Variants in CDYL2 observed in about 807,000 individuals in gnomAD.
CDYL2 encodes the protein chromodomain Y-like protein 2.
A neutral mutation model predicts 49.4 loss-of-function variants in CDYL2; 23 were observed. That is an observed-to-expected ratio of 0.47 (90% CI 0.34 to 0.66). The LOEUF (loss-of-function observed/expected upper bound fraction) is 0.66, where lower values mean the gene tolerates loss of function less well. Ranked by LOEUF, CDYL2 falls within the 30% of genes least tolerant of loss-of-function variation. The probability of loss-of-function intolerance (pLI) is 0.01; values close to 1 mark genes in which losing one functional copy is unlikely to be tolerated. For missense variants in CDYL2, 678 were observed against 656.4 expected, an observed-to-expected ratio of 1.03 and a Z score of -0.36; for synonymous variants, 360 against 268.8, an observed-to-expected ratio of 1.34 and a Z score of -3.32.
chr16:80,726,042 G>C (rs774391011), intron 1 of CDYL2, among the ~76,000 whole-genome samples: 1 of 152,166 alleles, frequency 6.6e-6, no homozygotes, highest in Non-Finnish European at 1.5e-5. Flanking sequence ...GTCACAAAAA[G>C]ACAGTGACAT....
rs151046757 is a variant in CDYL2, at chr16:80,739,356, T to G, written c.25-54227A>C. ...GGTGATTACTGCACATCAATGTAAATGTACTTAATACCTCGGAAATGCACA... is the reference window on the plus strand; with the variant it reads ...GGTGATTACTGCACATCAATGTAAAGGTACTTAATACCTCGGAAATGCACA... On this transcript the variant is annotated intron_variant, in intron 1 of 6. Coordinates refer to ENST00000570137, the MANE Select transcript of CDYL2 (RefSeq NM_152342.4). Among the ~76,000 whole-genome samples, 1,089 of 152,306 alleles carry G rather than the reference T, an allele frequency of 7.2e-3. 14 individuals carry two copies. Among genetic ancestry groups the G allele is most frequent in the South Asian group, 0.037 (177 of 4,822 alleles).
intron 2 of CDYL2, among the ~76,000 whole-genome samples, chr16:80,676,254 C>A (rs1018938765): frequency 6.6e-6 from 1 of 152,212 alleles, no homozygotes; most frequent in African/African-American, 2.4e-5. Flanking sequence ...GATTAAAAAA[C>A]CCTCAAGTTT....
intron 1 of CDYL2, among the ~76,000 whole-genome samples, chr16:80,780,547 G>A (rs577377191): frequency 1.3e-5 from 2 of 151,856 alleles, no homozygotes; most frequent in South Asian, 2.1e-4. Flanking sequence ...TGGGATTACA[G>A]GCACCTGCCA....
intron 1 of CDYL2, among the ~76,000 whole-genome samples, chr16:80,772,832 T>A (rs1906951770): frequency 1.3e-5 from 2 of 151,590 alleles, no homozygotes; most frequent in South Asian, 4.2e-4. Flanking sequence ...AAAGAAAAAA[T>A]AACAGAAAAA....
chr16:80,643,514 T>C (rs769249086), intron 2 of CDYL2, among the ~76,000 whole-genome samples: 1 of 152,248 alleles, frequency 6.6e-6, no homozygotes, highest in Non-Finnish European at 1.5e-5. Flanking sequence ...ATTTCCCTTC[T>C]GCACGCCTTA....
intron 1 of CDYL2, among the ~76,000 whole-genome samples, chr16:80,781,185 G>T (rs868496960): frequency 1.3e-5 from 2 of 152,124 alleles, no homozygotes; most frequent in African/African-American, 4.8e-5. Context: ...CCAAAGAAAA[G>T]AACATGCTAG....
intron 1 of CDYL2, among the ~76,000 whole-genome samples, chr16:80,745,744 C>T (rs1320337957): frequency 2.0e-5 from 3 of 152,196 alleles, no homozygotes; most frequent in Non-Finnish European, 4.4e-5. Context: ...ACAATGATAG[C>T]ATTGCTCTGT....
intron 1 of CDYL2, among the ~76,000 whole-genome samples, chr16:80,718,976 A>G (rs759659202): frequency 1.1e-4 from 16 of 152,202 alleles, no homozygotes; most frequent in Non-Finnish European, 1.9e-4. Flanking sequence ...CAGTAAATCC[A>G]AAGTTGTCAG....
intron 6 of CDYL2, among the ~76,000 whole-genome samples, chr16:80,607,063 G>C (rs1827758125): frequency 6.6e-6 from 1 of 152,202 alleles, no homozygotes; most frequent in Non-Finnish European, 1.5e-5. Flanking sequence ...TCCCAGACAA[G>C]GTGGGGCAAA....
At chr16:80,744,519 C>A (rs1312323665) in intron 1 of CDYL2, among the ~76,000 whole-genome samples, 1 of 152,112 alleles carries the variant, frequency 6.6e-6, no homozygotes, top group African/African-American at 2.4e-5. Flanking sequence ...TGTAGGAGCA[C>A]CCTATAGAAG....
intron 1 of CDYL2, among the ~76,000 whole-genome samples, chr16:80,716,993 G>T (rs867635309): frequency 2.1e-5 from 3 of 144,230 alleles, no homozygotes; most frequent in African/African-American, 2.7e-5. Context: ...TAGATGAATG[G>T]ATGATTCAAT....
At position 80,603,910 on chromosome 16, in the gene CDYL2, TGCAC is replaced by T; in HGVS notation, c.*474_*477del. On this transcript the variant is annotated 3_prime_UTR_variant, in exon 7 of 7. Transcript: ENST00000570137. Reference sequence around the variant, plus strand: ...TCGGAAAGGAGACTGAGGCCAGGTGTGCACAATCATTTTGCTCATTGGTCTGGAA... The same window carrying T: ...TCGGAAAGGAGACTGAGGCCAGGTGTAATCATTTTGCTCATTGGTCTGGAA... 6.2e-6 allele frequency: 1 copy of T among 160,444 alleles called. No individual in the cohort carries two copies. Among genetic ancestry groups the T allele is most frequent in the Admixed American group, 6.0e-5 (1 of 16,770 alleles). The allele number at this position is 160,444 out of a possible 1,614,324, so 9.9% of individuals were successfully genotyped here. A position where few individuals can be genotyped will look rare whatever the true frequency, so the allele number is the denominator to read the frequency against.
rs1906159990 is a variant in CDYL2 at position 80,602,947 on chromosome 16, C to G, written c.*1441G>C. 6.6e-6 allele frequency: 1 copy of G among 152,298 alleles called. No individual in the cohort carries two copies. Among genetic ancestry groups the G allele is most frequent in the Non-Finnish European group, 1.5e-5 (1 of 68,120 alleles). The allele number at this position is 152,298 out of a possible 1,614,324, so 9.4% of individuals were successfully genotyped here. On this transcript the variant is annotated 3_prime_UTR_variant, in exon 7 of 7. Coordinates refer to ENST00000570137, the MANE Select transcript of CDYL2 (RefSeq NM_152342.4). ...CCTCACCACTCAAAACCACAACCCC[C>G]AATCCCTCCTTCTCTGTAGTTAATC...
chr16:80,602,195 T>C lies in CDYL2; in HGVS notation c.*2193A>G, dbSNP rs1015515977. The C allele has an allele frequency of 6.6e-6, 1 of 152,192 alleles. No individual in the cohort carries two copies. The highest frequency in any genetic ancestry group is 2.4e-5 in the African/African-American group (1 of 41,444). 9.4% of individuals were successfully genotyped at this position (152,192 alleles called of 1,614,324 possible). On this transcript the variant is annotated 3_prime_UTR_variant, in exon 7 of 7. Transcript: ENST00000570137. ...ACATTTGCTTTCTCAAAGGAGGAGATAAGATCCAGATAGAGCTGTGACAAC... is the reference window on the plus strand; with the variant it reads ...ACATTTGCTTTCTCAAAGGAGGAGACAAGATCCAGATAGAGCTGTGACAAC...
chr16:80,742,461 CATGGATGGATGG>C (rs3081238), intron 1 of CDYL2, among the ~76,000 whole-genome samples: 13 of 146,174 alleles, frequency 8.9e-5, no homozygotes, highest in African/African-American at 3.1e-4. Context: ...AGGATGGATG[CATGGATGGATGG>C]ATGGATGGAT....
At chr16:80,731,986 G>A (rs756300951) in intron 1 of CDYL2, among the ~76,000 whole-genome samples, 8 of 151,706 alleles carry the variant, frequency 5.3e-5, no homozygotes, top group African/African-American at 9.7e-5. Flanking sequence ...GCACTAGGCC[G>A]CAAGGAAAGT....
chr16:80,651,697 G>A (rs1908589431), intron 2 of CDYL2, among the ~76,000 whole-genome samples: 1 of 152,156 alleles, frequency 6.6e-6, no homozygotes. Flanking sequence ...CTTACTGAAG[G>A]GGTTACGGAA....
intron 1 of CDYL2, among the ~76,000 whole-genome samples, chr16:80,800,374 T>A (rs1907889218): frequency 6.6e-6 from 1 of 152,198 alleles, no homozygotes; most frequent in Non-Finnish European, 1.5e-5. Context: ...AAGCTCAATG[T>A]GGACACGGCA....
chr16:80,685,489 G>C (rs906801615), intron 1 of CDYL2, among the ~76,000 whole-genome samples: 1 of 152,162 alleles, frequency 6.6e-6, no homozygotes, highest in South Asian at 2.1e-4. Context: ...GTAGATGCAG[G>C]CTATTAAAGA....
Sources: gnomAD v4.1 joint callset for allele counts (sites outside exome capture counted in the v4.1 genomes callset) on GRCh38, gnomAD v4.1.1 for gene constraint, MANE v1.5 for transcripts, NCBI Gene and HGNC (gene_info 2026-07-23, HGNC 2026-07-21) for gene names.